PAMR1: variants seen among roughly 807,000 people sequenced by gnomAD.
PAMR1 encodes inactive serine protease PAMR1.
Under a neutral mutation model 81.8 loss-of-function variants are expected in PAMR1, and 88 were observed. The observed-to-expected ratio is 1.08, with a 90% confidence interval of 0.91 to 1.28. The LOEUF (loss-of-function observed/expected upper bound fraction) is 1.28, where lower values mean the gene tolerates loss of function less well. PAMR1 is among the 50% of genes most tolerant of loss of function. The pLI, the probability that PAMR1 is intolerant of heterozygous loss-of-function variation, is 0.00. For synonymous variants in PAMR1, 336 were observed against 345.3 expected, an observed-to-expected ratio of 0.97 and a Z score of 0.30; for missense variants, 935 against 919.7, an observed-to-expected ratio of 1.02 and a Z score of -0.21.
At chr11:35,501,889 A>G (rs1346796281) in intron 1 of PAMR1, among the ~76,000 whole-genome samples, 1 of 152,264 alleles carries the variant, frequency 6.6e-6, no homozygotes, top group African/African-American at 2.4e-5. Context: ...GTGCTGCAAT[A>G]AACATAAGAG....
chr11:35,527,456 G>A (rs1443782803), upstream of PAMR1, among the ~76,000 whole-genome samples: 1 of 152,122 alleles, frequency 6.6e-6, no homozygotes, highest in Non-Finnish European at 1.5e-5. Context: ...TATGAGTCTT[G>A]TTCCTACACT....
intron 7 of PAMR1, among the ~76,000 whole-genome samples, chr11:35,440,750 C>T (rs1590318644): frequency 6.6e-6 from 1 of 152,182 alleles, no homozygotes; most frequent in Admixed American, 6.5e-5. Context: ...AAGTTTACCC[C>T]TTGATTCCCA....
intron 1 of PAMR1, among the ~76,000 whole-genome samples, 173 bp downstream of exon 1, chr11:35,525,340 G>A (rs746405425): frequency 4.6e-5 from 7 of 152,008 alleles, no homozygotes; most frequent in Non-Finnish European, 1.5e-5. Flanking sequence ...AGCACCACCA[G>A]CCAAGTCCCT....
chr11:35,479,478 T>C (rs1850343772), intron 3 of PAMR1, among the ~76,000 whole-genome samples: 1 of 152,218 alleles, frequency 6.6e-6, no homozygotes, highest in South Asian at 2.1e-4. Flanking sequence ...AAATGCTCAA[T>C]AAGTGGCAAC....
intron 1 of PAMR1, among the ~76,000 whole-genome samples, chr11:35,497,447 G>A (rs694961): frequency 0.46 from 70,450 of 152,024 alleles, 17,341 homozygotes; most frequent in African/African-American, 0.64. Flanking sequence ...GGTGTTGCTT[G>A]ATGGTTACAG....
intron 6 of PAMR1, among the ~76,000 whole-genome samples, chr11:35,450,093 A>G (rs1172547518): frequency 1.5e-5 from 2 of 129,648 alleles, no homozygotes; most frequent in African/African-American, 3.0e-5. Context: ...AACTGTCCCA[A>G]TTGCCTTCCA....
At chr11:35,444,193 AT>A (rs200936177) in intron 6 of PAMR1, among the ~76,000 whole-genome samples, 8 of 150,966 alleles carry the variant, frequency 5.3e-5, no homozygotes, top group Admixed American at 2.0e-4. Flanking sequence ...TTTTAATGGG[AT>A]TTTTTTTTCT....
intron 6 of PAMR1, among the ~76,000 whole-genome samples, chr11:35,457,627 G>T (rs1278417743): frequency 6.6e-6 from 1 of 152,082 alleles, no homozygotes; most frequent in East Asian, 1.9e-4. Flanking sequence ...TCTTAGGTTG[G>T]GTTCTCCTAG....
chr11:35,457,182 T>C (rs1409512051), intron 6 of PAMR1, among the ~76,000 whole-genome samples: 1 of 152,258 alleles, frequency 6.6e-6, no homozygotes, highest in East Asian at 1.9e-4. Context: ...TTTGAATTGG[T>C]AGAACGAGTA....
At chr11:35,491,463 T>C (rs1031505229) in intron 3 of PAMR1, among the ~76,000 whole-genome samples, 4 of 152,200 alleles carry the variant, frequency 2.6e-5, no homozygotes, top group African/African-American at 9.6e-5. Flanking sequence ...GGGACATTCA[T>C]CATTCAGGGC....
intron 6 of PAMR1, among the ~76,000 whole-genome samples, chr11:35,446,385 A>G (rs1856293272): frequency 6.6e-6 from 1 of 151,660 alleles, no homozygotes; most frequent in Non-Finnish European, 1.5e-5. Context: ...CTAGCTTTGG[A>G]GTTTGTTTGT....
At chr11:35,512,724 G>A (rs192108378) in intron 1 of PAMR1, among the ~76,000 whole-genome samples, 1 of 152,190 alleles carries the variant, frequency 6.6e-6, no homozygotes, top group Non-Finnish European at 1.5e-5. Context: ...TGGGCATGGT[G>A]GTTCATGCAT....
At chr11:35,496,891 C>T (rs1486718939) in intron 1 of PAMR1, among the ~76,000 whole-genome samples, 2 of 152,142 alleles carry the variant, frequency 1.3e-5, no homozygotes, top group Non-Finnish European at 1.5e-5. Context: ...ATGGGCTGAA[C>T]GCAGTGGCTC....
chr11:35,474,826 G>T, intron 3 of PAMR1, 82 bp from the exon 4 acceptor site: 2 of 841,468 alleles, frequency 2.4e-6, no homozygotes, highest in Non-Finnish European at 4.0e-6. Flanking sequence ...GAGACTTTGA[G>T]CACATGCCAC....
chr11:35,452,955 G>T (rs969616960), intron 6 of PAMR1, among the ~76,000 whole-genome samples: 1 of 152,104 alleles, frequency 6.6e-6, no homozygotes, highest in Non-Finnish European at 1.5e-5. Flanking sequence ...ATAATCATTT[G>T]GTTCCCCAGT....
At chr11:35,468,337 C>T (rs746554997) in intron 5 of PAMR1, among the ~76,000 whole-genome samples, 1 of 152,094 alleles carries the variant, frequency 6.6e-6, no homozygotes, top group African/African-American at 2.4e-5. Flanking sequence ...CAGAAGTATG[C>T]TTAACGCTCC....
intron 7 of PAMR1, among the ~76,000 whole-genome samples, chr11:35,440,516 G>A (rs1384525346): frequency 6.6e-6 from 1 of 152,142 alleles, no homozygotes; most frequent in Non-Finnish European, 1.5e-5. Context: ...CACCCAGAAG[G>A]CAAAGTGGAG....
chr11:35,470,306 G>A (rs1433035081), intron 5 of PAMR1, among the ~76,000 whole-genome samples: 2 of 152,170 alleles, frequency 1.3e-5, no homozygotes, highest in African/African-American at 4.8e-5. Flanking sequence ...CGAACAGCTT[G>A]GGTACAAATC....
intron 6 of PAMR1, among the ~76,000 whole-genome samples, chr11:35,445,684 A>G (rs1458446965): frequency 2.0e-5 from 3 of 152,326 alleles, no homozygotes; most frequent in African/African-American, 4.8e-5. Context: ...GATAAAGCCA[A>G]CTTGATCGTG....
Sources: allele counts gnomAD v4.1 joint callset (sites outside exome capture counted in the v4.1 genomes callset), GRCh38; gene constraint gnomAD v4.1.1; transcripts MANE v1.5; gene names NCBI Gene and HGNC (gene_info 2026-07-23, HGNC 2026-07-21).